The following TEKTL1 variants were observed in gnomAD, a reference collection of about 807,000 sequenced individuals.
The protein encoded by TEKTL1 is tektin-like protein 1.
the TEKTL1 span, chr19:15,020,481 C>T: frequency 2.5e-6 from 4 of 1,613,380 alleles, no homozygotes; most frequent in Non-Finnish European, 8.5e-7. Flanking sequence ...CCTGCCGAGA[C>T]ACTCTGAACT....
At chr19:15,021,531 A>G in the TEKTL1 span, 76 of 1,613,542 alleles carry the variant, frequency 4.7e-5, 1 homozygote, top group South Asian at 7.9e-4. Flanking sequence ...TGAGCGCATT[A>G]CCTGCGGCTG....
the TEKTL1 span, chr19:15,022,889 T>A: frequency 6.3e-7 from 1 of 1,597,334 alleles, no homozygotes; most frequent in South Asian, 1.1e-5. Flanking sequence ...CAAGCTGCAG[T>A]GCCACATCAC....
the TEKTL1 span, among the ~76,000 whole-genome samples, chr19:15,013,058 C>T: frequency 6.6e-6 from 1 of 152,124 alleles, no homozygotes; most frequent in Non-Finnish European, 1.5e-5. Flanking sequence ...TCCCAACCCT[C>T]ACACCCAAAG....
the TEKTL1 span, chr19:15,022,795 A>G: frequency 6.9e-7 from 1 of 1,457,270 alleles, no homozygotes; most frequent in Non-Finnish European, 9.2e-7. Flanking sequence ...TTACACACAC[A>G]CCTGGCGCAG....
the TEKTL1 span, chr19:15,021,557 C>T: frequency 6.2e-7 from 1 of 1,613,510 alleles, no homozygotes; most frequent in South Asian, 1.1e-5. Flanking sequence ...CAGGGTGGGA[C>T]AGGGGAGGAG....
the TEKTL1 span, chr19:15,013,739 T>C: frequency 4.3e-6 from 7 of 1,613,156 alleles, no homozygotes; most frequent in East Asian, 2.2e-5. Context: ...AAGAGGAAAA[T>C]GGAGAGAGAT....
chr19:15,022,836 C>T, the TEKTL1 span: 4 of 1,553,794 alleles, frequency 2.6e-6, no homozygotes, highest in Non-Finnish European at 3.5e-6. Flanking sequence ...TAGCCATCTG[C>T]TCTGGCTCAC....
chr19:15,018,732 A>ATATATATATATATT, the TEKTL1 span, among the ~76,000 whole-genome samples: 402 of 78,622 alleles, frequency 5.1e-3, 86 homozygotes, highest in Middle Eastern at 0.014. Flanking sequence ...ATATATATAT[A>ATATATATATATATT]ACTTCCCTGG....
chr19:15,014,914 T>C, the TEKTL1 span, among the ~76,000 whole-genome samples: 2 of 151,890 alleles, frequency 1.3e-5, no homozygotes, highest in Admixed American at 1.3e-4. Context: ...AAGAGGGAAA[T>C]GGATCATGCC....
At chr19:15,021,737 G>A in the TEKTL1 span, 1 of 1,613,020 alleles carries the variant, frequency 6.2e-7, no homozygotes, top group South Asian at 1.1e-5. Context: ...AGAGCCTTCG[G>A]GGGTGGAGGC....
chr19:15,022,477 C>T, the TEKTL1 span, among the ~76,000 whole-genome samples: 28,363 of 151,716 alleles, frequency 0.19, 2,975 homozygotes, highest in South Asian at 0.31. Context: ...TACAGGTGCG[C>T]GCCACCACAC....
chr19:15,021,432 G>A, the TEKTL1 span: 1 of 1,614,238 alleles, frequency 6.2e-7, no homozygotes, highest in Non-Finnish European at 8.5e-7. Context: ...CAAAGAACGA[G>A]GTGGACGTCC....
At chr19:15,022,065 C>T in the TEKTL1 span, 2 of 679,428 alleles carry the variant, frequency 2.9e-6, no homozygotes, top group South Asian at 1.9e-5. Context: ...GAGGCGGGGG[C>T]TTCACTGGGT....
the TEKTL1 span, chr19:15,011,085 C>G: frequency 6.4e-7 from 1 of 1,570,248 alleles, no homozygotes; most frequent in Non-Finnish European, 8.6e-7. Flanking sequence ...TTGGAGAAGC[C>G]GCCGCCAGGC....
At chr19:15,018,479 TG>T in the TEKTL1 span, among the ~76,000 whole-genome samples, 1 of 150,726 alleles carries the variant, frequency 6.6e-6, no homozygotes, top group Non-Finnish European at 1.5e-5. Flanking sequence ...GAGCCCAAGG[TG>T]GGTGGATTGC....
chr19:15,021,886 C>T, the TEKTL1 span: 1 of 1,614,006 alleles, frequency 6.2e-7, no homozygotes, highest in Admixed American at 1.7e-5. Flanking sequence ...GACACGTGGG[C>T]ACCCAACTCC....
the TEKTL1 span, chr19:15,022,811 C>A: frequency 4.0e-6 from 6 of 1,502,584 alleles, no homozygotes; most frequent in Middle Eastern, 1.7e-4. Flanking sequence ...CGCAGGTGTG[C>A]CTTCCCACGC....
the TEKTL1 span, chr19:15,011,072 A>G: frequency 3.8e-6 from 6 of 1,574,198 alleles, no homozygotes; most frequent in East Asian, 4.6e-5. Flanking sequence ...AGGCGGCGGC[A>G]CCTTGGAGAA....
the TEKTL1 span, chr19:15,022,036 A>T: frequency 5.1e-6 from 4 of 780,016 alleles, no homozygotes; most frequent in Non-Finnish European, 8.2e-6. Flanking sequence ...CTGTCCTTCA[A>T]CTCCTGCCAC....
Sources: allele counts gnomAD v4.1 joint callset (sites outside exome capture counted in the v4.1 genomes callset), GRCh38; gene constraint gnomAD v4.1.1; transcripts MANE v1.5; gene names NCBI Gene and HGNC (gene_info 2026-07-23, HGNC 2026-07-21).